Variants in BACE2 observed in about 807,000 individuals in gnomAD.
BACE2 encodes 56 kDa aspartic-like protease.
BACE2 carries 17 observed loss-of-function variants against 46.2 expected under a neutral mutation model. The observed-to-expected ratio is 0.37, with a 90% confidence interval of 0.25 to 0.55. The LOEUF (loss-of-function observed/expected upper bound fraction) is 0.55. Ranked by LOEUF, BACE2 falls within the 20% of genes least tolerant of loss-of-function variation. BACE2 has a pLI of 0.82. For missense variants in BACE2, 595 were observed against 698.1 expected (o/e 0.85, Z 1.66); for synonymous variants, 277 against 295.9 (o/e 0.94, Z 0.66).
chr21:41,218,362 C>G (rs1193997130), intron 1 of BACE2, among the ~76,000 whole-genome samples: 1 of 152,148 alleles, frequency 6.6e-6, no homozygotes, highest in Non-Finnish European at 1.5e-5. Flanking sequence ...AAAACCCAGG[C>G]AGATCATTCT....
chr21:41,255,014 G>A (rs571025949), intron 7 of BACE2, among the ~76,000 whole-genome samples: 69 of 152,308 alleles, frequency 4.5e-4, no homozygotes, highest in African/African-American at 1.0e-3. Flanking sequence ...ATTCCGCTTC[G>A]GTTTCACAGG....
intron 1 of BACE2, among the ~76,000 whole-genome samples, chr21:41,195,466 A>T (rs1241390166): frequency 6.6e-6 from 1 of 152,262 alleles, no homozygotes; most frequent in Non-Finnish European, 1.5e-5. Context: ...CCAGCTGTGC[A>T]GTCAAATACA....
chr21:41,216,889 G>A (rs1986485639), intron 1 of BACE2, among the ~76,000 whole-genome samples: 1 of 152,218 alleles, frequency 6.6e-6, no homozygotes, highest in Admixed American at 6.5e-5. Flanking sequence ...AGTGGGCACA[G>A]GGAGGAAGGC....
At chr21:41,225,902 G>A (rs1986804248) in intron 1 of BACE2, among the ~76,000 whole-genome samples, 1 of 152,160 alleles carries the variant, frequency 6.6e-6, no homozygotes, top group Admixed American at 6.5e-5. Context: ...CAAGGGGAGG[G>A]TGAGCCCAGT....
chr21:41,275,794 C>A lies in BACE2; in HGVS notation c.*170C>A, dbSNP rs866827059. ...TCACTGTCTTTTGATTCTTGATTTT[C>A]AAGCTTTCAAATCCTCCCTACTTCC... On this transcript the variant is annotated 3_prime_UTR_variant, in exon 9 of 9. Transcript: ENST00000330333. 1.2e-6 allele frequency: 1 copy of A among 802,580 alleles called. No individual in the cohort carries two copies. Among genetic ancestry groups the A allele is most frequent in the Non-Finnish European group, 1.9e-6 (1 of 531,954 alleles). 49.7% of individuals were successfully genotyped at this position (802,580 alleles called of 1,614,324 possible).
At chr21:41,206,907 G>A (rs559695843) in intron 1 of BACE2, among the ~76,000 whole-genome samples, 1 of 152,294 alleles carries the variant, frequency 6.6e-6, no homozygotes, top group South Asian at 2.1e-4. Flanking sequence ...TGCAGCAGGC[G>A]TATATGCCTT....
rs142088657 is a variant in BACE2 at position 41,199,981 on chromosome 21, A to C, written c.313-26285A>C. ...TTTTATCCATGTCCCTACAAAGGAC[A>C]TGAACAATGAGAACACATGGGCACA... On this transcript the variant is annotated intron_variant, in intron 1 of 8. Transcript: ENST00000330333. Among the ~76,000 whole-genome samples, 959 of 148,634 alleles carry C rather than the reference A, an allele frequency of 6.5e-3. 4 individuals carry two copies. The highest frequency in any genetic ancestry group is 0.022 in the African/African-American group (888 of 40,668).
At chr21:41,205,303 A>C (rs1393043698) in intron 1 of BACE2, among the ~76,000 whole-genome samples, 1 of 152,206 alleles carries the variant, frequency 6.6e-6, no homozygotes. Context: ...AAATTAAGTC[A>C]CATTTTCTGC....
intron 8 of BACE2, among the ~76,000 whole-genome samples, chr21:41,273,379 G>A (rs541146162): frequency 1.9e-4 from 29 of 152,220 alleles, no homozygotes; most frequent in African/African-American, 3.6e-4. Flanking sequence ...ATCCCTTATC[G>A]GCAACCGTAA....
intron 2 of BACE2, among the ~76,000 whole-genome samples, chr21:41,227,950 C>G (rs139183471): frequency 6.6e-6 from 1 of 152,322 alleles, no homozygotes; most frequent in Non-Finnish European, 1.5e-5. Context: ...GACTGCTCAT[C>G]ATGGAACAGG....
At chr21:41,176,542 T>C (rs895370118) in intron 1 of BACE2, 1 of 152,354 alleles carries the variant, frequency 6.6e-6, no homozygotes, top group Admixed American at 6.5e-5. Context: ...AGAGGCCAGA[T>C]GCCCCTCTGC....
chr21:41,271,045 T>G (rs1007235807), intron 8 of BACE2, among the ~76,000 whole-genome samples: 1 of 152,232 alleles, frequency 6.6e-6, no homozygotes, highest in Non-Finnish European at 1.5e-5. Context: ...AGTTTATCAT[T>G]ATGAAACTAC....
chr21:41,238,231 CA>C (rs1987181900), intron 3 of BACE2, among the ~76,000 whole-genome samples: 1 of 152,228 alleles, frequency 6.6e-6, no homozygotes, highest in Non-Finnish European at 1.5e-5. Context: ...AGCCTGAAGG[CA>C]TGCCCTGGGG....
At chr21:41,168,760 G>A (rs1984476427) in intron 1 of BACE2, among the ~76,000 whole-genome samples, 185 bp downstream of exon 1, 1 of 152,086 alleles carries the variant, frequency 6.6e-6, no homozygotes, top group Non-Finnish European at 1.5e-5. Context: ...GAGTCGCGGA[G>A]GACGGCAGCC....
intron 5 of BACE2, among the ~76,000 whole-genome samples, chr21:41,244,292 C>T (rs1015003171): frequency 4.6e-5 from 7 of 152,160 alleles, no homozygotes; most frequent in South Asian, 4.1e-4. Flanking sequence ...AAGGAGACCA[C>T]AAAACAGGCT....
intron 1 of BACE2, chr21:41,182,538 G>C (rs914302761): frequency 6.0e-6 from 1 of 166,970 alleles, no homozygotes; most frequent in African/African-American, 2.4e-5. Context: ...AGGGGGGAAG[G>C]TTCATATAGG....
At chr21:41,217,181 G>A (rs572770707) in intron 1 of BACE2, among the ~76,000 whole-genome samples, 11 of 152,256 alleles carry the variant, frequency 7.2e-5, no homozygotes, top group Admixed American at 1.3e-4. Flanking sequence ...TGCCCGCCTC[G>A]GCCTCCCAAA....
intron 2 of BACE2, chr21:41,236,504 G>A (rs916136002): frequency 2.0e-5 from 3 of 152,204 alleles, no homozygotes; most frequent in Admixed American, 1.3e-4. Flanking sequence ...TTACCTCCAG[G>A]GCCACGTGAG....
rs577638630 is a variant in BACE2 at position 41,282,115 on chromosome 21, G to A, written c.*6491G>A. ...AGTCAGTATTTTGCTTCTGGCAGGAGAGCTGCAAACTGTGTATCCTCAAAC... is the reference window on the plus strand; with the variant it reads ...AGTCAGTATTTTGCTTCTGGCAGGAAAGCTGCAAACTGTGTATCCTCAAAC... On this transcript the variant is annotated 3_prime_UTR_variant, in exon 9 of 9. Transcript: ENST00000330333. 1 of 152,324 alleles carries A rather than the reference G, an allele frequency of 6.6e-6. No homozygotes were observed. The highest frequency in any genetic ancestry group is 1.9e-4 in the East Asian group (1 of 5,186). 9.4% of individuals were successfully genotyped at this position (152,324 alleles called of 1,614,324 possible).
Sources: gnomAD v4.1 joint callset for allele counts (sites outside exome capture counted in the v4.1 genomes callset) on GRCh38, gnomAD v4.1.1 for gene constraint, MANE v1.5 for transcripts, NCBI Gene and HGNC (gene_info 2026-07-23, HGNC 2026-07-21) for gene names.